The following KCNT2 variants were observed in gnomAD, a reference collection of about 807,000 sequenced individuals.
KCNT2 encodes the protein potassium sodium-activated channel subfamily T member 2, also known as potassium channel subfamily T member 2.
Under a neutral mutation model 153.8 loss-of-function variants are expected in KCNT2, and 67 were observed. The observed-to-expected ratio is 0.44, with a 90% CI of 0.36 to 0.53. KCNT2 has a LOEUF of 0.53. KCNT2 is among the 20% of genes least tolerant of loss of function. The pLI is 0.00. For synonymous variants in KCNT2, 500 were observed against 458.8 expected (o/e 1.09, Z -1.15); for missense variants, 975 against 1,354.8 (o/e 0.72, Z 4.40).
intron 25 of KCNT2, among the ~76,000 whole-genome samples, chr1:196,269,688 A>T (rs1416711496): frequency 1.3e-5 from 2 of 152,098 alleles, no homozygotes; most frequent in Admixed American, 6.6e-5. Context: ...CATAAAAAAT[A>T]CCTATTGTTA....
At chr1:196,456,423 T>C (rs1269516859) in intron 8 of KCNT2, among the ~76,000 whole-genome samples, 1 of 152,028 alleles carries the variant, frequency 6.6e-6, no homozygotes, top group Non-Finnish European at 1.5e-5. Flanking sequence ...ACAATTCTAT[T>C]TGCTCCATTC....
intron 13 of KCNT2, among the ~76,000 whole-genome samples, chr1:196,386,443 C>G (rs950505850): frequency 2.6e-5 from 4 of 152,086 alleles, no homozygotes; most frequent in Non-Finnish European, 5.9e-5. Flanking sequence ...TGCCTTAGAA[C>G]AGTAGCCCTT....
At chr1:196,289,010 A>G (rs1268058849) in intron 22 of KCNT2, among the ~76,000 whole-genome samples, 3 of 152,158 alleles carry the variant, frequency 2.0e-5, no homozygotes, top group Non-Finnish European at 4.4e-5. Context: ...ATTCATATTG[A>G]CATCTACATC....
chr1:196,311,187 C>T (rs1454554417), intron 21 of KCNT2, among the ~76,000 whole-genome samples: 2 of 151,740 alleles, frequency 1.3e-5, no homozygotes, highest in African/African-American at 4.8e-5. Context: ...TTATAATTCT[C>T]TAATTAAAAT....
At chr1:196,430,548 A>C (rs1674061690) in intron 8 of KCNT2, among the ~76,000 whole-genome samples, 1 of 151,994 alleles carries the variant, frequency 6.6e-6, no homozygotes, top group South Asian at 2.1e-4. Flanking sequence ...CCAGCCTCCA[A>C]ACGCAATATA....
intron 1 of KCNT2, among the ~76,000 whole-genome samples, chr1:196,524,614 T>C (rs1201804192): frequency 6.6e-6 from 1 of 152,204 alleles, no homozygotes; most frequent in Non-Finnish European, 1.5e-5. Flanking sequence ...CATAATACGA[T>C]GTAAAACAGT....
chr1:196,391,550 A>G (rs908718129), intron 13 of KCNT2, among the ~76,000 whole-genome samples: 31 of 151,514 alleles, frequency 2.0e-4, no homozygotes, highest in African/African-American at 7.5e-4. Context: ...ATGGAGATAA[A>G]CAAAAGATTA....
chr1:196,329,875 TTA>T (rs1387240934), intron 18 of KCNT2, among the ~76,000 whole-genome samples: 18 of 122,968 alleles, frequency 1.5e-4, no homozygotes, highest in East Asian at 1.0e-3. Context: ...ATATATACAC[TTA>T]TATGTGTGTG....
intron 8 of KCNT2, among the ~76,000 whole-genome samples, chr1:196,452,645 A>G (rs1342242931): frequency 2.0e-5 from 3 of 151,978 alleles, no homozygotes; most frequent in Admixed American, 6.6e-5. Context: ...CAGAGGCACT[A>G]TTGGCAGACT....
intron 14 of KCNT2, among the ~76,000 whole-genome samples, chr1:196,360,710 C>T (rs769837003): frequency 2.0e-5 from 3 of 151,952 alleles, no homozygotes; most frequent in East Asian, 1.9e-4. Context: ...GAGGACACAG[C>T]GAGAATACAG....
chr1:196,435,142 T>C (rs1311085011), intron 8 of KCNT2, among the ~76,000 whole-genome samples: 4 of 77,270 alleles, frequency 5.2e-5, no homozygotes, highest in Admixed American at 1.1e-4. Context: ...TGTGTATGTA[T>C]ATATATATAT....
intron 3 of KCNT2, among the ~76,000 whole-genome samples, chr1:196,484,280 T>G (rs774979614): frequency 6.6e-5 from 10 of 152,134 alleles, no homozygotes; most frequent in Non-Finnish European, 1.5e-4. Context: ...TCAGTGATGT[T>G]GAGCTTTTTT....
At chr1:196,574,455 G>C (rs750534495) in intron 1 of KCNT2, among the ~76,000 whole-genome samples, 10 of 151,766 alleles carry the variant, frequency 6.6e-5, no homozygotes, top group Admixed American at 1.3e-4. Flanking sequence ...AACTAACCAG[G>C]AAGTAGGTAG....
At chr1:196,418,008 C>A (rs1001147120) in intron 12 of KCNT2, among the ~76,000 whole-genome samples, 8 of 152,152 alleles carry the variant, frequency 5.3e-5, no homozygotes, top group Non-Finnish European at 8.8e-5. Flanking sequence ...AATCAATCTT[C>A]AGTGTTCACA....
chr1:196,581,583 G>A (rs1282627328), intron 1 of KCNT2, among the ~76,000 whole-genome samples: 1 of 151,810 alleles, frequency 6.6e-6, no homozygotes, highest in East Asian at 1.9e-4. Flanking sequence ...TCCTCTCAGT[G>A]GCCGACTCAC....
rs192668407 is a variant in KCNT2 at position 196,531,471 on chromosome 1, G to A, written c.96-39130C>T. 3.9e-5 allele frequency among the ~76,000 whole-genome samples: 6 copies of A among 152,174 alleles called. No individual in the cohort carries two copies. The East Asian group carries it at 9.7e-4, about 24-fold the overall frequency. On this transcript the variant is annotated intron_variant, in intron 1 of 27. Coordinates refer to ENST00000294725, the MANE Select transcript of KCNT2 (RefSeq NM_198503.5). ...TCTATTTCCTCGAGGTAAAATGGAGGTAACGGCTCCTACTTTCTATTATTA... is the reference window on the plus strand; with the variant it reads ...TCTATTTCCTCGAGGTAAAATGGAGATAACGGCTCCTACTTTCTATTATTA...
At chr1:196,578,269 G>C (rs113356633) in intron 1 of KCNT2, among the ~76,000 whole-genome samples, 1,757 of 151,646 alleles carry the variant, frequency 0.012, 26 homozygotes, top group Non-Finnish European at 0.015. Context: ...AGTTGTAACC[G>C]ATCCAGAACG....
At chr1:196,283,764 A>AT (rs955271569) in intron 23 of KCNT2, among the ~76,000 whole-genome samples, 25 of 152,254 alleles carry the variant, frequency 1.6e-4, no homozygotes, top group African/African-American at 5.1e-4. Flanking sequence ...AATGCCAGCA[A>AT]TTTTTTAAAA....
chr1:196,227,975 G>C lies in KCNT2; in HGVS notation c.*249C>G, dbSNP rs975634102. The C allele has an allele frequency of 6.5e-6, 2 of 306,194 alleles. No individual in the cohort carries two copies. Among genetic ancestry groups the C allele is most frequent in the African/African-American group, 2.2e-5 (1 of 46,068 alleles). 19.0% of individuals were successfully genotyped at this position (306,194 alleles called of 1,614,324 possible). ...ATTATTATAAAACAATTAAATGTCA[G>C]ATTTAAATTTTTGTATTTTAATTTA... is the stretch of plus-strand genomic sequence containing the variant. On this transcript the variant is annotated 3_prime_UTR_variant, in exon 28 of 28. Transcript: ENST00000294725.
Sources: allele counts gnomAD v4.1 joint callset (sites outside exome capture counted in the v4.1 genomes callset), GRCh38; gene constraint gnomAD v4.1.1; transcripts MANE v1.5; gene names NCBI Gene and HGNC (gene_info 2026-07-23, HGNC 2026-07-21).